Variants in KAZN observed in about 807,000 individuals in gnomAD.
The protein encoded by KAZN is kazrin, periplakin interacting protein, also known as kazrin.
Under a neutral mutation model 87.4 loss-of-function variants are expected in KAZN, and 40 were observed. The observed-to-expected ratio is 0.46, with a 90% CI of 0.36 to 0.60. KAZN has a LOEUF of 0.60. Among genes scored for constraint, KAZN ranks in the 20% least tolerant of loss-of-function variants. The pLI, the probability that KAZN is intolerant of heterozygous loss-of-function variation, is 0.00. For missense variants in KAZN, 898 were observed against 1,073.9 expected, an observed-to-expected ratio of 0.84 and a Z score of 2.29; for synonymous variants, 466 against 458.3, an observed-to-expected ratio of 1.02 and a Z score of -0.22.
At chr1:15,089,408 G>A (rs1294852412) in intron 8 of KAZN, among the ~76,000 whole-genome samples, 1 of 151,906 alleles carries the variant, frequency 6.6e-6, no homozygotes, top group African/African-American at 2.4e-5. Flanking sequence ...TGCCCTGCCA[G>A]GCTGGACAAC....
intron 2 of KAZN, among the ~76,000 whole-genome samples, chr1:14,496,749 A>G (rs1465624560): frequency 1.3e-5 from 2 of 151,920 alleles, no homozygotes; most frequent in African/African-American, 4.8e-5. Context: ...GAGTTGAGAC[A>G]TAGGTGAAAA....
chr1:14,235,236 TATTC>T (rs1474051887), intron 2 of KAZN, among the ~76,000 whole-genome samples: 3 of 152,218 alleles, frequency 2.0e-5, no homozygotes, highest in African/African-American at 4.8e-5. Flanking sequence ...AATGAAATAT[TATTC>T]ATCCATAAAC....
At chr1:15,071,750 C>T (rs1255854482) in intron 8 of KAZN, among the ~76,000 whole-genome samples, 1 of 152,184 alleles carries the variant, frequency 6.6e-6, no homozygotes, top group African/African-American at 2.4e-5. Context: ...ATGGCAGGAC[C>T]TCTGATGACC....
intron 1 of KAZN, among the ~76,000 whole-genome samples, chr1:14,113,246 C>G (rs764956775): frequency 1.3e-5 from 2 of 152,208 alleles, no homozygotes; most frequent in Non-Finnish European, 2.9e-5. Context: ...AAAAGCCATA[C>G]AATCCCTGTC....
intron 2 of KAZN, among the ~76,000 whole-genome samples, chr1:14,201,673 C>G (rs1006273460): frequency 7.9e-5 from 12 of 152,116 alleles, no homozygotes; most frequent in African/African-American, 2.9e-4. Flanking sequence ...GTACATTGTT[C>G]GTTTCTTTTC....
intron 1 of KAZN, among the ~76,000 whole-genome samples, chr1:13,917,953 A>G (rs1570273637): frequency 6.6e-6 from 1 of 152,192 alleles, no homozygotes; most frequent in East Asian, 1.9e-4. Context: ...CTCAGATAAG[A>G]TTCCTTTCAA....
chr1:14,233,686 G>A (rs551632002), intron 2 of KAZN, among the ~76,000 whole-genome samples: 1 of 152,290 alleles, frequency 6.6e-6, no homozygotes, highest in South Asian at 2.1e-4. Flanking sequence ...CAAATGCAGG[G>A]ACACTGATGC....
intron 2 of KAZN, among the ~76,000 whole-genome samples, chr1:14,228,612 A>C (rs1647511890): frequency 6.6e-6 from 1 of 152,208 alleles, no homozygotes; most frequent in Admixed American, 6.5e-5. Context: ...AAATGGTAAA[A>C]GGGCATGAAC....
At chr1:15,075,242 C>A (rs1042688440) in intron 8 of KAZN, among the ~76,000 whole-genome samples, 11 of 152,140 alleles carry the variant, frequency 7.2e-5, no homozygotes, top group African/African-American at 2.7e-4. Context: ...CCTTCCTGGC[C>A]AGTGCTTTGA....
intron 2 of KAZN, among the ~76,000 whole-genome samples, chr1:14,572,597 C>T (rs768771906): frequency 5.3e-5 from 8 of 152,184 alleles, no homozygotes; most frequent in African/African-American, 7.2e-5. Context: ...GCTTCTTGTG[C>T]GCTTGGCCTG....
chr1:14,905,929 G>A (rs1656496487), intron 1 of KAZN, among the ~76,000 whole-genome samples: 1 of 149,748 alleles, frequency 6.7e-6, no homozygotes, highest in South Asian at 2.1e-4. Context: ...AGCACTTTGG[G>A]AGGCCAAGGA....
At chr1:15,101,386 G>T (rs756931217) in intron 10 of KAZN, among the ~76,000 whole-genome samples, 157 bp from the exon 11 acceptor site, 1 of 149,940 alleles carries the variant, frequency 6.7e-6, no homozygotes, top group African/African-American at 2.5e-5. Context: ...TTGATCTCTC[G>T]GCTCCATCCC....
chr1:13,923,869 A>G (rs549454569), intron 1 of KAZN, among the ~76,000 whole-genome samples: 24 of 152,266 alleles, frequency 1.6e-4, no homozygotes, highest in African/African-American at 5.8e-4. Context: ...GGAAATGTCC[A>G]GTTGATGTAT....
chr1:14,228,833 A>G (rs1226817374), intron 2 of KAZN, among the ~76,000 whole-genome samples: 1 of 152,224 alleles, frequency 6.6e-6, no homozygotes, highest in African/African-American at 2.4e-5. Context: ...TTGGCCAGCC[A>G]AGGAGGTATC....
chr1:14,476,488 C>T (rs368937806), intron 2 of KAZN, among the ~76,000 whole-genome samples: 6 of 152,114 alleles, frequency 3.9e-5, no homozygotes, highest in Admixed American at 6.5e-5. Flanking sequence ...CTCTGCAGAT[C>T]GTGGGATTTC....
chr1:14,448,305 C>T (rs1433018163), intron 2 of KAZN, among the ~76,000 whole-genome samples: 2 of 152,224 alleles, frequency 1.3e-5, no homozygotes, highest in Non-Finnish European at 2.9e-5. Context: ...AGGTATAAGG[C>T]ACCACACAGT....
chr1:14,812,947 CT>C (rs1460460496), intron 1 of KAZN, among the ~76,000 whole-genome samples: 1 of 152,186 alleles, frequency 6.6e-6, no homozygotes, highest in Non-Finnish European at 1.5e-5. Context: ...AATGGTCTTT[CT>C]GGGCCTGTTT....
intron 2 of KAZN, among the ~76,000 whole-genome samples, chr1:14,490,794 AGAG>A (rs1389466381): frequency 6.6e-6 from 1 of 152,202 alleles, no homozygotes; most frequent in Non-Finnish European, 1.5e-5. Context: ...AAAAATACAA[AGAG>A]GAGAATAAAA....
At chr1:13,898,873 G>A (rs750996202) in intron 1 of KAZN, among the ~76,000 whole-genome samples, 1 of 152,218 alleles carries the variant, frequency 6.6e-6, no homozygotes, top group African/African-American at 2.4e-5. Context: ...TGAATATGGA[G>A]CCTAGCTACA....
Sources: gnomAD v4.1 joint callset for allele counts (sites outside exome capture counted in the v4.1 genomes callset) on GRCh38, gnomAD v4.1.1 for gene constraint, MANE v1.5 for transcripts, NCBI Gene and HGNC (gene_info 2026-07-23, HGNC 2026-07-21) for gene names.